The following SLC24A2 variants were observed in gnomAD, a reference collection of about 807,000 sequenced individuals.
The protein encoded by SLC24A2 is solute carrier family 24 member 2.
SLC24A2 carries 36 observed loss-of-function variants against 62.0 expected under a neutral mutation model. The observed-to-expected ratio is 0.58, with a 90% confidence interval of 0.44 to 0.77. The LOEUF is 0.77. Among genes scored for constraint, SLC24A2 ranks in the 30% least tolerant of loss-of-function variants. The pLI is 0.00. For synonymous variants in SLC24A2, 358 were observed against 294.0 expected, an observed-to-expected ratio of 1.22 and a Z score of -2.23; for missense variants, 846 against 817.9, an observed-to-expected ratio of 1.03 and a Z score of -0.42.
the SLC24A2 span, among the ~76,000 whole-genome samples, chr9:20,172,184 C>T: frequency 3.0e-4 from 45 of 151,938 alleles, no homozygotes; most frequent in Admixed American, 7.2e-4. Context: ...AGTGACAAAA[C>T]CTCTGGGATA....
At chr9:20,214,253 C>A in the SLC24A2 span, among the ~76,000 whole-genome samples, 1 of 152,144 alleles carries the variant, frequency 6.6e-6, no homozygotes, top group Non-Finnish European at 1.5e-5. Flanking sequence ...TTCAGTCTAG[C>A]AAAATGAATA....
intron 2 of SLC24A2, among the ~76,000 whole-genome samples, chr9:19,754,042 A>C (rs966429771): frequency 2.0e-5 from 3 of 152,224 alleles, no homozygotes; most frequent in Non-Finnish European, 4.4e-5. Context: ...CTTAAAAAAA[A>C]TTTTAAAAAC....
chr9:19,863,407 A>C, the SLC24A2 span, among the ~76,000 whole-genome samples: 1 of 152,064 alleles, frequency 6.6e-6, no homozygotes, highest in Non-Finnish European at 1.5e-5. Flanking sequence ...AGTTATTTAC[A>C]GAACATTTTA....
the SLC24A2 span, among the ~76,000 whole-genome samples, chr9:20,110,137 G>A: frequency 5.5e-4 from 83 of 152,032 alleles, no homozygotes; most frequent in Non-Finnish European, 8.7e-4. Flanking sequence ...AGCCCACAGC[G>A]GAAGAAATTT....
At chr9:20,115,043 G>A in the SLC24A2 span, among the ~76,000 whole-genome samples, 1 of 152,112 alleles carries the variant, frequency 6.6e-6, no homozygotes, top group Non-Finnish European at 1.5e-5. Context: ...GGGGGTTGTG[G>A]GAAATTTTAG....
At chr9:19,555,317 C>CT (rs1835029391) in intron 7 of SLC24A2, among the ~76,000 whole-genome samples, 1 of 152,168 alleles carries the variant, frequency 6.6e-6, no homozygotes, top group Admixed American at 6.5e-5. Context: ...AGTCAGACCT[C>CT]TTCTGAGAAA....
At chr9:19,831,184 A>G in the SLC24A2 span, among the ~76,000 whole-genome samples, 3 of 152,154 alleles carry the variant, frequency 2.0e-5, no homozygotes, top group Non-Finnish European at 4.4e-5. Context: ...AAGTTTCAAC[A>G]TGAGTTTTAG....
At chr9:20,200,579 G>A in the SLC24A2 span, among the ~76,000 whole-genome samples, 1 of 152,164 alleles carries the variant, frequency 6.6e-6, no homozygotes, top group Non-Finnish European at 1.5e-5. Flanking sequence ...AACTCATTGG[G>A]CTTAAAACAC....
chr9:19,942,142 G>A, the SLC24A2 span, among the ~76,000 whole-genome samples: 6 of 152,186 alleles, frequency 3.9e-5, no homozygotes, highest in Non-Finnish European at 5.9e-5. Context: ...TCAACCCTCT[G>A]AGAAACTGAA....
the SLC24A2 span, among the ~76,000 whole-genome samples, chr9:20,149,798 A>C: frequency 6.6e-6 from 1 of 152,072 alleles, no homozygotes; most frequent in Non-Finnish European, 1.5e-5. Flanking sequence ...TTGCTGACCC[A>C]TGTCTGAGAA....
the SLC24A2 span, among the ~76,000 whole-genome samples, chr9:19,950,302 T>C: frequency 1.0e-2 from 1,517 of 152,324 alleles, 29 homozygotes; most frequent in African/African-American, 0.034. Flanking sequence ...GAGTTTGCTA[T>C]TATTTTTATT....
At chr9:19,535,446 G>A (rs1023980416) in intron 8 of SLC24A2, among the ~76,000 whole-genome samples, 1 of 152,140 alleles carries the variant, frequency 6.6e-6, no homozygotes, top group South Asian at 2.1e-4. Context: ...GTCCAGAATG[G>A]TATTGCCTAG....
At chr9:20,084,088 C>A in the SLC24A2 span, among the ~76,000 whole-genome samples, 1 of 152,172 alleles carries the variant, frequency 6.6e-6, no homozygotes, top group Non-Finnish European at 1.5e-5. Context: ...GGCTTTTCAC[C>A]GTGGAGCAGG....
intron 4 of SLC24A2, among the ~76,000 whole-genome samples, chr9:19,611,001 C>G (rs1434544078): frequency 5.3e-5 from 8 of 152,108 alleles, no homozygotes; most frequent in Non-Finnish European, 1.2e-4. Flanking sequence ...TTCACGGGGA[C>G]AAGTGTTAAG....
At chr9:19,734,360 G>A (rs556494700) in intron 2 of SLC24A2, among the ~76,000 whole-genome samples, 1 of 152,258 alleles carries the variant, frequency 6.6e-6, no homozygotes, top group South Asian at 2.1e-4. Flanking sequence ...GATTGACTTG[G>A]CAATGCGGGC....
At chr9:20,081,821 G>C in the SLC24A2 span, among the ~76,000 whole-genome samples, 1 of 152,240 alleles carries the variant, frequency 6.6e-6, no homozygotes, top group Non-Finnish European at 1.5e-5. Flanking sequence ...GGGATGGAAA[G>C]AGAAATTTCT....
chr9:19,744,543 C>T (rs1236734704), intron 2 of SLC24A2, among the ~76,000 whole-genome samples: 2 of 152,076 alleles, frequency 1.3e-5, no homozygotes, highest in Non-Finnish European at 2.9e-5. Context: ...GCATATGCCC[C>T]AAGGAAAGGG....
chr9:20,209,358 C>T, the SLC24A2 span, among the ~76,000 whole-genome samples: 1 of 152,190 alleles, frequency 6.6e-6, no homozygotes. Flanking sequence ...AACAGCCATG[C>T]AAGAAAACTA....
At chr9:19,854,288 A>T in the SLC24A2 span, among the ~76,000 whole-genome samples, 1 of 151,788 alleles carries the variant, frequency 6.6e-6, no homozygotes, top group East Asian at 1.9e-4. Context: ...AGGGTTTTTC[A>T]TGTCTCTATC....
Sources: gnomAD v4.1 joint callset for allele counts (sites outside exome capture counted in the v4.1 genomes callset) on GRCh38, gnomAD v4.1.1 for gene constraint, MANE v1.5 for transcripts, NCBI Gene and HGNC (gene_info 2026-07-23, HGNC 2026-07-21) for gene names.